Variants in GALNT16 observed in about 807,000 individuals in gnomAD.
GALNT16 encodes polypeptide N-acetylgalactosaminyltransferase 16.
Under a neutral mutation model 76.1 loss-of-function variants are expected in GALNT16, and 40 were observed. The ratio of observed to expected loss-of-function variants is 0.53; its 90% confidence interval spans 0.41 to 0.68. GALNT16 has a LOEUF of 0.68. GALNT16 is among the 30% of genes least tolerant of loss of function. The pLI is 0.00. For missense variants in GALNT16, 621 were observed against 731.9 expected, an observed-to-expected ratio of 0.85 and a Z score of 1.75; for synonymous variants, 276 against 285.2, an observed-to-expected ratio of 0.97 and a Z score of 0.32.
intron 2 of GALNT16, among the ~76,000 whole-genome samples, chr14:69,322,234 C>G (rs1321771188): frequency 6.6e-6 from 1 of 152,248 alleles, no homozygotes; most frequent in African/African-American, 2.4e-5. Context: ...CTGGCTGTTT[C>G]TGGGCCTCAG....
chr14:69,260,561 G>A, intron 1 of GALNT16, 94 bp downstream of exon 1: 1 of 875,502 alleles, frequency 1.1e-6, no homozygotes, highest in Non-Finnish European at 1.5e-6. Flanking sequence ...CCCGGCCAGG[G>A]CTGAGTGCCC....
intron 5 of GALNT16, among the ~76,000 whole-genome samples, chr14:69,327,398 G>A (rs1317790666): frequency 6.6e-6 from 1 of 152,148 alleles, no homozygotes; most frequent in African/African-American, 2.4e-5. Context: ...TCAGGCCAAG[G>A]GGCCACAAGA....
chr14:69,269,502 T>TG (rs2044378951), intron 1 of GALNT16, among the ~76,000 whole-genome samples: 4 of 143,316 alleles, frequency 2.8e-5, no homozygotes, highest in Non-Finnish European at 6.1e-5. Context: ...TGTGTGGCAT[T>TG]TGTGTGTGTG....
At chr14:69,368,301 C>T in the GALNT16 span, among the ~76,000 whole-genome samples, 5 of 152,328 alleles carry the variant, frequency 3.3e-5, no homozygotes, top group Admixed American at 3.3e-4. Context: ...CTCACAGTTT[C>T]CATGGGTCAG....
intron 11 of GALNT16, among the ~76,000 whole-genome samples, chr14:69,341,467 T>G (rs1341339770): frequency 6.6e-6 from 1 of 152,170 alleles, no homozygotes; most frequent in African/African-American, 2.4e-5. Flanking sequence ...AGGCAGGAAT[T>G]TGATGAGTGA....
chr14:69,370,922 T>G, the GALNT16 span, among the ~76,000 whole-genome samples: 2 of 152,206 alleles, frequency 1.3e-5, no homozygotes, highest in Non-Finnish European at 2.9e-5. Context: ...TATGCTAGGG[T>G]CATTACTGCT....
intron 6 of GALNT16, among the ~76,000 whole-genome samples, chr14:69,329,244 C>T (rs977154276): frequency 1.3e-5 from 2 of 152,102 alleles, no homozygotes; most frequent in East Asian, 3.9e-4. Context: ...GTGCTCCCAG[C>T]TACTTGGGAG....
intron 1 of GALNT16, among the ~76,000 whole-genome samples, chr14:69,291,600 G>A (rs1206634413): frequency 6.6e-6 from 1 of 152,178 alleles, no homozygotes; most frequent in Non-Finnish European, 1.5e-5. Flanking sequence ...CCTCCATGCT[G>A]TGCTCACCGA....
chr14:69,374,635 A>G, the GALNT16 span, among the ~76,000 whole-genome samples: 1 of 152,242 alleles, frequency 6.6e-6, no homozygotes, highest in Non-Finnish European at 1.5e-5. Context: ...GTAGTGGTAT[A>G]TTGCACATTG....
intron 1 of GALNT16, 120 bp downstream of exon 1, chr14:69,260,587 C>G: frequency 1.5e-6 from 1 of 663,564 alleles, no homozygotes; most frequent in Non-Finnish European, 2.1e-6. Flanking sequence ...GCCGGGCCGG[C>G]TTTGTATATG....
chr14:69,336,072 T>C (rs1193702909), intron 9 of GALNT16, among the ~76,000 whole-genome samples: 2 of 152,100 alleles, frequency 1.3e-5, no homozygotes, highest in Non-Finnish European at 2.9e-5. Context: ...TGCCCTCACT[T>C]CCCACTTCTC....
chr14:69,309,836 T>C (rs997271708), intron 1 of GALNT16, among the ~76,000 whole-genome samples: 6 of 152,224 alleles, frequency 3.9e-5, no homozygotes, highest in African/African-American at 1.4e-4. Context: ...TTTTCTTTTA[T>C]GACATATGGG....
At chr14:69,286,055 C>G (rs958704450) in intron 1 of GALNT16, among the ~76,000 whole-genome samples, 9 of 152,160 alleles carry the variant, frequency 5.9e-5, no homozygotes, top group African/African-American at 2.2e-4. Flanking sequence ...ACTCTTTAAC[C>G]AGCACCTGGC....
At chr14:69,300,228 A>G (rs1385320695) in intron 1 of GALNT16, among the ~76,000 whole-genome samples, 1 of 152,368 alleles carries the variant, frequency 6.6e-6, no homozygotes, top group African/African-American at 2.4e-5. Context: ...ACACCCGCAC[A>G]CACACATGTG....
chr14:69,305,549 G>T (rs2044921061), intron 1 of GALNT16, among the ~76,000 whole-genome samples: 1 of 152,036 alleles, frequency 6.6e-6, no homozygotes, highest in South Asian at 2.1e-4. Context: ...TTGGCTGTTT[G>T]TATATATTCT....
chr14:69,322,925 G>GGTGTGTGTGTGTGTGTGTGTGTGT (rs766188989), intron 2 of GALNT16, among the ~76,000 whole-genome samples: 1 of 103,780 alleles, frequency 9.6e-6, no homozygotes, highest in Non-Finnish European at 1.8e-5. Context: ...TGGCTCACGG[G>GGTGTGTGTGTGTGTGTGTGTGTGT]GTGTGTGTGT....
intron 1 of GALNT16, among the ~76,000 whole-genome samples, chr14:69,266,654 G>A (rs1022208066): frequency 2.6e-5 from 4 of 152,170 alleles, no homozygotes; most frequent in Non-Finnish European, 5.9e-5. Flanking sequence ...TCCAAAGGCT[G>A]GCCAGGGTTT....
intron 1 of GALNT16, among the ~76,000 whole-genome samples, chr14:69,284,299 G>T (rs2044581329): frequency 6.6e-6 from 1 of 152,194 alleles, no homozygotes; most frequent in Admixed American, 6.5e-5. Flanking sequence ...ATCAGCAGCA[G>T]CAAGGAGAGA....
At chr14:69,294,212 C>A (rs776448680) in intron 1 of GALNT16, among the ~76,000 whole-genome samples, 2 of 152,098 alleles carry the variant, frequency 1.3e-5, no homozygotes, top group African/African-American at 2.4e-5. Flanking sequence ...ACCTCCACCC[C>A]CTGGGTTCAA....
Sources: allele counts gnomAD v4.1 joint callset (sites outside exome capture counted in the v4.1 genomes callset), GRCh38; gene constraint gnomAD v4.1.1; transcripts MANE v1.5; gene names NCBI Gene and HGNC (gene_info 2026-07-23, HGNC 2026-07-21).